Variants in GBE1 observed in about 807,000 individuals in gnomAD.
The protein encoded by GBE1 is 1,4-alpha-glucan-branching enzyme.
In GBE1, 70 loss-of-function variants were observed where a neutral mutation model predicts 88.8. The observed-to-expected ratio is 0.79, with a 90% confidence interval of 0.65 to 0.96. The LOEUF (loss-of-function observed/expected upper bound fraction) is 0.96, where lower values mean the gene tolerates loss of function less well. Ranked by LOEUF, GBE1 falls within the 40% of genes least tolerant of loss-of-function variation. The pLI, the probability that GBE1 is intolerant of heterozygous loss-of-function variation, is 0.00. For synonymous variants in GBE1, 284 were observed against 300.1 expected, an observed-to-expected ratio of 0.95 and a Z score of 0.56; for missense variants, 872 against 871.0, an observed-to-expected ratio of 1.00 and a Z score of -0.01.
At chr3:81,700,281 C>T (rs890062504) in intron 2 of GBE1, among the ~76,000 whole-genome samples, 6 of 152,146 alleles carry the variant, frequency 3.9e-5, no homozygotes, top group East Asian at 3.9e-4. Flanking sequence ...AATTATACCC[C>T]GAACCAGAAA....
At chr3:81,673,902 G>T (rs1705221306) in intron 2 of GBE1, among the ~76,000 whole-genome samples, 1 of 151,712 alleles carries the variant, frequency 6.6e-6, no homozygotes, top group Admixed American at 6.6e-5. Context: ...TTTAAAGCAA[G>T]ACTTAGAAAA....
At chr3:81,576,359 T>C (rs1703647986) in intron 12 of GBE1, among the ~76,000 whole-genome samples, 1 of 152,208 alleles carries the variant, frequency 6.6e-6, no homozygotes, top group Non-Finnish European at 1.5e-5. Flanking sequence ...TTCTATTTTA[T>C]GTAATTATGT....
At chr3:81,552,274 T>C (rs1461736675) in intron 12 of GBE1, among the ~76,000 whole-genome samples, 2 of 152,104 alleles carry the variant, frequency 1.3e-5, no homozygotes, top group African/African-American at 4.8e-5. Flanking sequence ...TCCCTGCACT[T>C]TGGGAGGCCA....
At chr3:81,572,879 C>T (rs1000670071) in intron 12 of GBE1, among the ~76,000 whole-genome samples, 1 of 152,054 alleles carries the variant, frequency 6.6e-6, no homozygotes, top group African/African-American at 2.4e-5. Flanking sequence ...ATGTTCATAG[C>T]AACATTCCTG....
intron 14 of GBE1, among the ~76,000 whole-genome samples, chr3:81,532,687 AG>A (rs1371232364): frequency 6.6e-6 from 1 of 152,078 alleles, no homozygotes; most frequent in Non-Finnish European, 1.5e-5. Context: ...ATAAAATCAT[AG>A]AAAAAAGACT....
chr3:81,510,255 A>C (rs1286964322), intron 14 of GBE1, among the ~76,000 whole-genome samples: 1 of 152,142 alleles, frequency 6.6e-6, no homozygotes, highest in Non-Finnish European at 1.5e-5. Flanking sequence ...CAAAGTGCAT[A>C]AACTTTAATA....
chr3:81,707,899 C>T (rs2107171982), intron 1 of GBE1, among the ~76,000 whole-genome samples: 1 of 151,980 alleles, frequency 6.6e-6, no homozygotes, highest in African/African-American at 2.4e-5. Flanking sequence ...TAAAGATAGG[C>T]ATATAAAAAT....
chr3:81,611,127 G>A (rs957997132), intron 7 of GBE1, among the ~76,000 whole-genome samples: 3 of 151,912 alleles, frequency 2.0e-5, no homozygotes, highest in African/African-American at 7.3e-5. Flanking sequence ...ATTTATAGGA[G>A]TCTAGAAGAC....
chr3:81,711,132 A>G (rs947253862), intron 1 of GBE1, among the ~76,000 whole-genome samples: 7 of 152,234 alleles, frequency 4.6e-5, no homozygotes, highest in African/African-American at 1.7e-4. Flanking sequence ...CACAGGAGAC[A>G]TCTCAGCGGA....
At chr3:81,605,335 C>T (rs760241087) in intron 7 of GBE1, among the ~76,000 whole-genome samples, 2 of 152,086 alleles carry the variant, frequency 1.3e-5, no homozygotes, top group East Asian at 1.9e-4. Context: ...TTATAATATC[C>T]GAATTAAGGA....
chr3:81,582,211 G>A (rs1260624738), intron 10 of GBE1, among the ~76,000 whole-genome samples: 2 of 152,092 alleles, frequency 1.3e-5, no homozygotes, highest in South Asian at 2.1e-4. Flanking sequence ...CCAGAGGGCA[G>A]AACGTGGAAG....
At chr3:81,491,386 C>A (rs1702434332) in intron 15 of GBE1, among the ~76,000 whole-genome samples, 1 of 152,126 alleles carries the variant, frequency 6.6e-6, no homozygotes, top group Admixed American at 6.5e-5. Flanking sequence ...CGTTTTATTT[C>A]TAACCCTCAG....
chr3:81,690,887 A>T (rs1705510014), intron 2 of GBE1, among the ~76,000 whole-genome samples: 1 of 152,016 alleles, frequency 6.6e-6, no homozygotes, highest in Non-Finnish European at 1.5e-5. Flanking sequence ...TATTGTCTGT[A>T]AGCATGATTA....
intron 1 of GBE1, among the ~76,000 whole-genome samples, chr3:81,721,396 T>A (rs190518228): frequency 6.6e-6 from 1 of 151,962 alleles, no homozygotes; most frequent in Admixed American, 6.6e-5. Flanking sequence ...TTGTATTGCT[T>A]ATGGGGAACA....
chr3:81,650,498 A>G (rs1704830253), intron 3 of GBE1, among the ~76,000 whole-genome samples: 1 of 152,162 alleles, frequency 6.6e-6, no homozygotes, highest in Admixed American at 6.5e-5. Context: ...TATCTCCTTT[A>G]ATCATCCGTT....
At chr3:81,592,980 A>G (rs13082609) in intron 8 of GBE1, among the ~76,000 whole-genome samples, 36,099 of 151,748 alleles carry the variant, frequency 0.24, 4,417 homozygotes, top group East Asian at 0.42. Flanking sequence ...CTTGGCAGTC[A>G]CTTTTCAAGA....
rs186270135 is a variant in GBE1 at position 81,670,120 on chromosome 3, G to A, written c.429+718C>T. Among the ~76,000 whole-genome samples the A allele has an allele frequency of 8.5e-5, 13 of 152,232 alleles. 1 individual carries two copies. The highest frequency in any genetic ancestry group is 7.7e-4 in the East Asian group (4 of 5,184). On this transcript the variant is annotated intron_variant, in intron 3 of 15. Transcript: ENST00000429644. ...AAGTAAGTGTGAAAAGATTTAGATC[G>A]CTTCTCTTATAATCAAATGCCTTAA...
chr3:81,693,592 AGT>A (rs1705552102), intron 2 of GBE1, among the ~76,000 whole-genome samples: 1 of 152,202 alleles, frequency 6.6e-6, no homozygotes, highest in African/African-American at 2.4e-5. Context: ...TACTTAACAC[AGT>A]ATTTGGCACA....
intron 1 of GBE1, among the ~76,000 whole-genome samples, chr3:81,739,878 T>C (rs1013809218): frequency 1.3e-5 from 2 of 152,266 alleles, no homozygotes; most frequent in African/African-American, 2.4e-5. Context: ...AAATTACACA[T>C]GCCTTTGATT....
Sources: gnomAD v4.1 joint callset for allele counts (sites outside exome capture counted in the v4.1 genomes callset) on GRCh38, gnomAD v4.1.1 for gene constraint, MANE v1.5 for transcripts, NCBI Gene and HGNC (gene_info 2026-07-23, HGNC 2026-07-21) for gene names.